Variants in ME3 observed in about 807,000 individuals in gnomAD.
ME3 encodes malic enzyme 3.
A neutral mutation model predicts 68.9 loss-of-function variants in ME3; 48 were observed. That is an observed-to-expected ratio of 0.70 (90% CI 0.55 to 0.89). The LOEUF is 0.89. Ranked by LOEUF, ME3 falls within the 40% of genes least tolerant of loss-of-function variation. The pLI is 0.00. For synonymous variants in ME3, 320 were observed against 318.8 expected (o/e 1.00, Z -0.04); for missense variants, 675 against 797.4 (o/e 0.85, Z 1.85).
At chr11:86,669,115 C>T (rs941552961) in intron 2 of ME3, among the ~76,000 whole-genome samples, 1 of 152,220 alleles carries the variant, frequency 6.6e-6, no homozygotes, top group Non-Finnish European at 1.5e-5. Flanking sequence ...GACAACAGAA[C>T]AGCCAGAGGG....
exon 3 of ME3, chr11:86,559,821 C>T (rs1486567095): frequency 1.9e-6 from 3 of 1,613,102 alleles, no homozygotes; most frequent in Non-Finnish European, 2.5e-6. Flanking sequence ...TAAAGGCCAT[C>T]CCCTGGGAAA....
intron 8 of ME3, among the ~76,000 whole-genome samples, chr11:86,463,119 T>C (rs929697684): frequency 6.6e-6 from 1 of 152,096 alleles, no homozygotes; most frequent in African/African-American, 2.4e-5. Context: ...TCGCAGCAGT[T>C]TGGGGGCGGA....
chr11:86,671,009 A>G (rs546895091), intron 2 of ME3, among the ~76,000 whole-genome samples: 5 of 152,298 alleles, frequency 3.3e-5, no homozygotes, highest in African/African-American at 4.8e-5. Context: ...CTCTCACCCA[A>G]TCCTCTGAAC....
At chr11:86,480,724 G>A (rs1352651114) in intron 7 of ME3, among the ~76,000 whole-genome samples, 3 of 152,168 alleles carry the variant, frequency 2.0e-5, no homozygotes, top group East Asian at 3.9e-4. Flanking sequence ...ATTATTCCCC[G>A]CATGAAAGCA....
At chr11:86,656,411 A>C (rs1390553251) in intron 2 of ME3, among the ~76,000 whole-genome samples, 1 of 152,026 alleles carries the variant, frequency 6.6e-6, no homozygotes, top group Non-Finnish European at 1.5e-5. Context: ...ATGGAATGCT[A>C]TGCAGCCATA....
chr11:86,603,987 C>G (rs953478644), intron 2 of ME3, among the ~76,000 whole-genome samples: 3 of 149,028 alleles, frequency 2.0e-5, no homozygotes, highest in Admixed American at 6.7e-5. Flanking sequence ...GGAGATATGC[C>G]TAATGCTAAA....
chr11:86,544,499 A>G (rs961057114), intron 4 of ME3, among the ~76,000 whole-genome samples: 9 of 152,234 alleles, frequency 5.9e-5, no homozygotes, highest in Non-Finnish European at 1.2e-4. Flanking sequence ...TAGAAGTACA[A>G]ACTACCATAA....
intron 2 of ME3, among the ~76,000 whole-genome samples, chr11:86,572,516 A>C (rs1247419553): frequency 2.0e-5 from 3 of 152,102 alleles, no homozygotes; most frequent in African/African-American, 4.8e-5. Flanking sequence ...CCCACTTATG[A>C]GTGAGAACAT....
intron 7 of ME3, among the ~76,000 whole-genome samples, chr11:86,483,337 C>T (rs1951517390): frequency 1.3e-5 from 2 of 152,124 alleles, no homozygotes; most frequent in South Asian, 4.1e-4. Context: ...AGGACAGGGG[C>T]TCACATCAAG....
intron 2 of ME3, among the ~76,000 whole-genome samples, chr11:86,665,824 G>A (rs916452422): frequency 2.4e-4 from 35 of 145,020 alleles, no homozygotes; most frequent in Admixed American, 6.8e-5. Flanking sequence ...GATTCCATAA[G>A]GGGTCTGAAA....
At chr11:86,640,905 T>C (rs955581799) in intron 2 of ME3, among the ~76,000 whole-genome samples, 6 of 152,080 alleles carry the variant, frequency 3.9e-5, no homozygotes, top group African/African-American at 1.4e-4. Context: ...CTCCAGGATA[T>C]TGCCCTTTCC....
intron 7 of ME3, 60 bp from the exon 8 acceptor site, chr11:86,465,260 T>C: frequency 4.5e-6 from 5 of 1,120,616 alleles, no homozygotes; most frequent in Non-Finnish European, 5.3e-6. Flanking sequence ...CCCTGACAGA[T>C]CCCAGCTTGC....
intron 1 of ME3, 85 bp from the exon 2 acceptor site, chr11:86,672,043 G>A (rs972206459): frequency 8.8e-7 from 1 of 1,133,746 alleles, no homozygotes; most frequent in Admixed American, 4.2e-5. Context: ...GCCTGATCCG[G>A]GGACGCGCCC....
At chr11:86,563,228 T>C (rs1957327052) in intron 2 of ME3, among the ~76,000 whole-genome samples, 1 of 150,208 alleles carries the variant, frequency 6.7e-6, no homozygotes, top group Non-Finnish European at 1.5e-5. Context: ...TGTTTTAACT[T>C]TGAGAACTCT....
intron 2 of ME3, among the ~76,000 whole-genome samples, chr11:86,607,797 C>T (rs142455381): frequency 2.6e-5 from 4 of 151,936 alleles, no homozygotes; most frequent in African/African-American, 7.2e-5. Flanking sequence ...CGTCCTTGGT[C>T]GGACTCTGGA....
At chr11:86,561,008 T>G (rs1472691246) in intron 2 of ME3, among the ~76,000 whole-genome samples, 1 of 151,846 alleles carries the variant, frequency 6.6e-6, no homozygotes, top group Non-Finnish European at 1.5e-5. Context: ...AGAGTGCCAT[T>G]TTCATCACAT....
At chr11:86,591,499 C>T (rs1442632570) in intron 2 of ME3, among the ~76,000 whole-genome samples, 3 of 152,190 alleles carry the variant, frequency 2.0e-5, no homozygotes, top group Admixed American at 2.0e-4. Context: ...TGTGAGGTCA[C>T]AGCAGGAAGG....
intron 2 of ME3, among the ~76,000 whole-genome samples, chr11:86,560,748 G>GTATATATAGATATATATATA (rs1957184757): frequency 1.6e-5 from 1 of 62,530 alleles, no homozygotes; most frequent in African/African-American, 5.9e-5. Context: ...GTGTGTGTGT[G>GTATATATAGATATATATATA]TATATATATA....
intron 4 of ME3, among the ~76,000 whole-genome samples, chr11:86,552,665 A>G (rs773209575): frequency 3.9e-5 from 6 of 152,092 alleles, no homozygotes; most frequent in Admixed American, 2.0e-4. Context: ...GTTGAGTCCA[A>G]TCTCTCCCTC....
Sources: allele counts gnomAD v4.1 joint callset (sites outside exome capture counted in the v4.1 genomes callset), GRCh38; gene constraint gnomAD v4.1.1; transcripts MANE v1.5; gene names NCBI Gene and HGNC (gene_info 2026-07-23, HGNC 2026-07-21).